The following ATP8B1 variants were observed in gnomAD, a reference collection of about 807,000 sequenced individuals.
ATP8B1 encodes the protein ATPase phospholipid transporting 8B1.
A neutral mutation model predicts 149.9 loss-of-function variants in ATP8B1; 80 were observed. The observed-to-expected ratio is 0.53, with a 90% confidence interval of 0.45 to 0.64. The LOEUF is 0.64. Among genes scored for constraint, ATP8B1 ranks in the 30% least tolerant of loss-of-function variants. The pLI, the probability that ATP8B1 is intolerant of heterozygous loss-of-function variation, is 0.00. For missense variants in ATP8B1, 1,247 were observed against 1,552.6 expected (o/e 0.80, Z 3.31); for synonymous variants, 536 against 562.8 (o/e 0.95, Z 0.67).
At chr18:57,706,387 G>T in intron 3 of ATP8B1, 103 bp downstream of exon 3, 4 of 854,980 alleles carry the variant, frequency 4.7e-6, no homozygotes, top group South Asian at 4.2e-5. Context: ...GCCCCAGGCA[G>T]GTGGTTACGT....
At chr18:57,752,530 T>C (rs1195819122) in intron 1 of ATP8B1, among the ~76,000 whole-genome samples, 1 of 152,154 alleles carries the variant, frequency 6.6e-6, no homozygotes, top group Admixed American at 6.5e-5. Context: ...GCCCCAGATA[T>C]CCACTGAGTG....
At chr18:57,764,229 C>T (rs2080184824) in intron 1 of ATP8B1, among the ~76,000 whole-genome samples, 1 of 152,096 alleles carries the variant, frequency 6.6e-6, no homozygotes, top group South Asian at 2.1e-4. Context: ...GTGCAGCCAC[C>T]TGCCCCAGGG....
intron 2 of ATP8B1, among the ~76,000 whole-genome samples, chr18:57,707,452 G>A (rs1319486710): frequency 1.3e-5 from 2 of 152,152 alleles, no homozygotes; most frequent in Non-Finnish European, 2.9e-5. Flanking sequence ...TGGCAGAGAA[G>A]AGAAATTAAC....
At chr18:57,691,209 TGAA>T (rs778941552) in intron 12 of ATP8B1, among the ~76,000 whole-genome samples, 4 of 143,936 alleles carry the variant, frequency 2.8e-5, no homozygotes, top group Non-Finnish European at 6.1e-5. Flanking sequence ...AAGTAAAAAA[TGAA>T]GAAGTATCAC....
chr18:57,654,100 A>G, intron 23 of ATP8B1, 25 bp from the exon 24 acceptor site: 2 of 1,584,022 alleles, frequency 1.3e-6, no homozygotes, highest in Non-Finnish European at 1.7e-6. Context: ...CAGAGGCTCC[A>G]TGTCACCAAC....
intron 22 of ATP8B1, 57 bp from the exon 23 acceptor site, chr18:57,655,474 T>C (rs1568180488): frequency 6.7e-7 from 1 of 1,491,788 alleles, no homozygotes; most frequent in Non-Finnish European, 9.3e-7. Context: ...AGGCAAAACA[T>C]CAGTTGATAA....
chr18:57,800,825 C>T lies in ATP8B1; in HGVS notation c.-26+2173G>A, dbSNP rs71355660. 3.4e-3 allele frequency among the ~76,000 whole-genome samples: 513 copies of T among 152,194 alleles called. 2 individuals carry two copies. Among genetic ancestry groups the T allele is most frequent in the Middle Eastern group, 0.017 (5 of 294 alleles). On this transcript the variant is annotated intron_variant, in intron 1 of 27. Coordinates refer to ENST00000648908, the MANE Select transcript of ATP8B1 (RefSeq NM_001374385.1). The stretch of plus-strand genomic sequence containing the variant: ...GGGCATTTTTATATTTTCCACTACT[C>T]CTTGCTTCAAAAGGATGGAAAAGAA...
chr18:57,729,071 A>G (rs319424), intron 2 of ATP8B1, among the ~76,000 whole-genome samples: 25,459 of 152,034 alleles, frequency 0.17, 2,839 homozygotes, highest in East Asian at 0.49. Context: ...TCTACAAAAC[A>G]TATGACCTGC....
At chr18:57,655,752 G>A (rs978649690) in intron 22 of ATP8B1, among the ~76,000 whole-genome samples, 3 of 152,198 alleles carry the variant, frequency 2.0e-5, no homozygotes, top group African/African-American at 7.2e-5. Flanking sequence ...TGTACACTGT[G>A]TCCTTGCCTC....
chr18:57,789,564 A>G (rs1043073396), intron 1 of ATP8B1, among the ~76,000 whole-genome samples: 5 of 152,168 alleles, frequency 3.3e-5, no homozygotes, highest in Non-Finnish European at 1.5e-5. Context: ...CAGGCCACAC[A>G]AGCCAATTTT....
intron 6 of ATP8B1, among the ~76,000 whole-genome samples, chr18:57,698,722 T>G (rs1336310334): frequency 6.6e-6 from 1 of 152,224 alleles, no homozygotes; most frequent in Non-Finnish European, 1.5e-5. Context: ...TGGATTATGG[T>G]CAGTTGTCTG....
intron 2 of ATP8B1, among the ~76,000 whole-genome samples, chr18:57,729,549 C>CTTTTTTTTTTTTT (rs71171074): frequency 1.5e-3 from 184 of 120,640 alleles, no homozygotes; most frequent in East Asian, 3.3e-3. Context: ...TTCTTTCTTT[C>CTTTTTTTTTTTTT]TTTTTTTTTT....
chr18:57,732,585 T>TA (rs2079797688), intron 1 of ATP8B1, among the ~76,000 whole-genome samples: 1 of 151,976 alleles, frequency 6.6e-6, no homozygotes, highest in African/African-American at 2.4e-5. Context: ...TTTTTTGAGA[T>TA]AGAGTCTCCC....
At chr18:57,650,050 TA>T (rs1201558304) in intron 27 of ATP8B1, among the ~76,000 whole-genome samples, 1 of 151,912 alleles carries the variant, frequency 6.6e-6, no homozygotes, top group Non-Finnish European at 1.5e-5. Context: ...TTTTCTTAAA[TA>T]AAGAAAAAAA....
Position 57,685,129 on chromosome 18 carries a change from A to T in ATP8B1, c.1430-14T>A, listed in dbSNP as rs759424253. ...CCCGATGGTCCCCTGAGAAACAAAC[A>T]GGACAAAACAAATTGATTCTACACC... On this transcript the variant is annotated splice_polypyrimidine_tract_variant and intron_variant, in intron 13 of 27. Transcript: ENST00000648908. 4.3e-6 allele frequency: 7 copies of T among 1,614,066 alleles called. No individual in the cohort carries two copies. Among genetic ancestry groups the T allele is most frequent in the Non-Finnish European group, 5.9e-6 (7 of 1,179,882 alleles).
chr18:57,772,599 T>C (rs1228638317), intron 1 of ATP8B1, among the ~76,000 whole-genome samples: 1 of 152,156 alleles, frequency 6.6e-6, no homozygotes, highest in Non-Finnish European at 1.5e-5. Context: ...AGAGGCCATC[T>C]GAGTTCTCCC....
In ATP8B1 at chr18:57,648,026, AC is replaced by A. The variant is rs1309374630; in HGVS notation, c.*461del. 7.2e-6 allele frequency: 2 copies of A among 277,684 alleles called. No individual in the cohort carries two copies. The highest frequency in any genetic ancestry group is 1.4e-5 in the Non-Finnish European group (2 of 143,082). The allele number at this position is 277,684 out of a possible 1,614,324, so 17.2% of individuals were successfully genotyped here. A position where few individuals can be genotyped will look rare whatever the true frequency, so the allele number is the denominator to read the frequency against. The stretch of plus-strand genomic sequence containing the variant: ...TCTTAAGACAGAGTCTTGCTCTGTC[AC>A]CCAGGCTGGAGTGCAGTGGCGCAAT... On this transcript the variant is annotated 3_prime_UTR_variant, in exon 28 of 28. Transcript: ENST00000648908.
chr18:57,755,181 A>T (rs1319799509), intron 1 of ATP8B1, among the ~76,000 whole-genome samples: 1 of 152,216 alleles, frequency 6.6e-6, no homozygotes, highest in Non-Finnish European at 1.5e-5. Context: ...GTAATTGTGC[A>T]TTGGAGAACC....
intron 1 of ATP8B1, among the ~76,000 whole-genome samples, chr18:57,739,521 A>C (rs1435163085): frequency 6.6e-6 from 1 of 152,224 alleles, no homozygotes; most frequent in African/African-American, 2.4e-5. Context: ...GTGAATACTC[A>C]GTGCCTACTA....
Sources: allele counts gnomAD v4.1 joint callset (sites outside exome capture counted in the v4.1 genomes callset), GRCh38; gene constraint gnomAD v4.1.1; transcripts MANE v1.5; gene names NCBI Gene and HGNC (gene_info 2026-07-23, HGNC 2026-07-21).